The following KLHDC7A variants were observed in gnomAD, a reference collection of about 807,000 sequenced individuals.
KLHDC7A encodes kelch domain containing 7A.
For synonymous variants in KLHDC7A, 464 were observed against 461.0 expected, an observed-to-expected ratio of 1.01 and a Z score of -0.08; for missense variants, 1,123 against 1,052.6, an observed-to-expected ratio of 1.07 and a Z score of -0.93.
rs995231105 is a variant in KLHDC7A, at chr1:18,481,100, C to T, written c.119C>T (p.Ser40Leu). Residue 40 changes from serine to leucine, a missense_variant, in exon 1 of 1, where the codon TCG becomes TTG. Transcript: ENST00000400664. The part of the protein sequence containing the change: ...LVTVAYRLYK[S>L]RPAPAQRWGG... ...ACTGTGGCCTACAGGCTGTACAAGT[C>T]GAGGCCTGCCCCAGCCCAGCGGTGG... is the stretch of plus-strand genomic sequence containing the variant. The T allele has an allele frequency of 1.2e-6, 2 of 1,613,830 alleles. No individual in the cohort carries two copies. Among genetic ancestry groups the T allele is most frequent in the Non-Finnish European group, 1.7e-6 (2 of 1,179,976 alleles).
At position 18,482,824 on chromosome 1, in the gene KLHDC7A, G is replaced by A; in HGVS notation, c.1843G>A (p.Ala615Thr). 1 of 1,609,280 alleles carries A rather than the reference G, an allele frequency of 6.2e-7. No individual in the cohort carries two copies. Among genetic ancestry groups the A allele is most frequent in the Non-Finnish European group, 8.5e-7 (1 of 1,178,448 alleles). The change falls in exon 1 of 1, where the codon GCC becomes ACC. Residue 615 changes from alanine to threonine, a missense_variant. By Grantham distance (58) the Ala-to-Thr change is moderately conservative. Transcript: ENST00000400664. Reference protein sequence around the residue: ...YDPRLDRWDFAPPLPSDTFAL... With the variant: ...YDPRLDRWDFTPPLPSDTFAL... ...CCCCCGCCTGGACCGCTGGGACTTT[G>A]CCCCGCCGCTCCCCAGTGACACGTT...
At position 18,482,189 on chromosome 1, in the gene KLHDC7A, G is replaced by A. The variant is rs543307586; in HGVS notation, c.1208G>A (p.Arg403Gln). 4 of 1,611,120 alleles carry A rather than the reference G, an allele frequency of 2.5e-6. No individual in the cohort carries two copies. The South Asian group carries it at 3.3e-5, about 13-fold the overall frequency. ...CTGCCTGGCTTAGGCAGAAGCAGCC[G>A]GGAGCCCCATGTGCAGCCGGTGGCC... ...GALPGLGRSS[R>Q]EPHVQPVAGT... The change falls in exon 1 of 1, where the codon CGG (arginine) becomes CAG (glutamine). Residue 403 changes from arginine to glutamine, a missense_variant. Coordinates refer to ENST00000400664, the MANE Select transcript of KLHDC7A (RefSeq NM_152375.3).
At position 18,482,131 on chromosome 1, in the gene KLHDC7A, C is replaced by A; in HGVS notation, c.1150C>A (p.Leu384Ile). ...GCAGCTGCAGCCAGATGGCTTCCGG[C>A]TCCCCGCTCCACCCTGCCCAGACCC... ...ELQLQPDGFRLPAPPCPDPGA... is the reference protein window; with the variant it reads ...ELQLQPDGFRIPAPPCPDPGA... The change falls in exon 1 of 1, where the codon CTC becomes ATC. Residue 384 changes from leucine to isoleucine, a missense_variant. Transcript: ENST00000400664. 1.9e-6 allele frequency: 3 copies of A among 1,611,458 alleles called. No homozygotes were observed. Among genetic ancestry groups the A allele is most frequent in the African/African-American group, 1.3e-5 (1 of 75,040 alleles).
rs770861587 is a variant in KLHDC7A, at chr1:18,482,325, G to A, written c.1344G>A (p.Glu448=). 9.4e-6 allele frequency: 15 copies of A among 1,602,066 alleles called. No individual in the cohort carries two copies. The highest frequency in any genetic ancestry group is 1.3e-5 in the African/African-American group (1 of 74,934). The change falls in exon 1 of 1, where the codon GAG becomes GAA. Residue 448 remains glutamate, a synonymous_variant. Coordinates refer to ENST00000400664, the MANE Select transcript of KLHDC7A (RefSeq NM_152375.3). The stretch of plus-strand genomic sequence containing the variant: ...CCTTGGCCAAGAGGCAGAACCTGGA[G>A]GCCCTGAAAGAGGCGGCCTACAAGG... The part of the protein sequence containing the change: ...VLTLAKRQNL[E]ALKEAAYKVM...
At position 18,481,897 on chromosome 1, in the gene KLHDC7A, C is replaced by T. The variant is rs1449830854; in HGVS notation, c.916C>T (p.Leu306=). Residue 306 remains leucine, a synonymous_variant, in exon 1 of 1, where the codon CTG becomes TTG. Coordinates refer to ENST00000400664, the MANE Select transcript of KLHDC7A (RefSeq NM_152375.3). ...CTCTCAGGCCATCTTCCAGGGCAGG[C>T]TGGCTCCCAGGACAGCAGCCCTGAC... ...STSQAIFQGR[L]APRTAALTEV... is the part of the protein sequence containing the mutation. 2 of 1,613,440 alleles carry T rather than the reference C, an allele frequency of 1.2e-6. No individual in the cohort carries two copies.
At position 18,482,175 on chromosome 1, in the gene KLHDC7A, A is replaced by G; in HGVS notation, c.1194A>G (p.Leu398=). ...PCPDPGALPG[L]GRSSREPHVQ... is the part of the protein sequence containing the mutation. Reference sequence around the variant, plus strand: ...CAGACCCGGGCGCCCTGCCTGGCTTAGGCAGAAGCAGCCGGGAGCCCCATG... The same window carrying G: ...CAGACCCGGGCGCCCTGCCTGGCTTGGGCAGAAGCAGCCGGGAGCCCCATG... The change falls in exon 1 of 1, where the codon TTA becomes TTG. Residue 398 remains leucine (L), a synonymous_variant. Coordinates refer to ENST00000400664, the MANE Select transcript of KLHDC7A (RefSeq NM_152375.3). 6.2e-7 allele frequency: 1 copy of G among 1,611,360 alleles called. No individual in the cohort carries two copies. Among genetic ancestry groups the G allele is most frequent in the Non-Finnish European group, 8.5e-7 (1 of 1,179,822 alleles).
rs918646517 is a variant in KLHDC7A at position 18,484,127 on chromosome 1, T to C, written c.*812T>C. ...CGGCCCTGCCCATGTTAACTGACCA[T>C]TGCACTCATTCTCAGATCTGTAGCC... On this transcript the variant is annotated 3_prime_UTR_variant, in exon 1 of 1. Coordinates refer to ENST00000400664, the MANE Select transcript of KLHDC7A (RefSeq NM_152375.3). 4.3e-6 allele frequency: 4 copies of C among 921,828 alleles called. No homozygotes were observed. The African/African-American group carries it at 6.9e-5, about 16-fold the overall frequency. 57.1% of individuals were successfully genotyped at this position (921,828 alleles called of 1,614,324 possible). A position where few individuals can be genotyped will look rare whatever the true frequency, so the allele number is the denominator to read the frequency against.
Position 18,482,085 on chromosome 1 carries a change from G to T in KLHDC7A, c.1104G>T (p.Gln368His), listed in dbSNP as rs377597397. The part of the protein sequence containing the change: ...RGFSRKESLL[Q>H]IAENPELQLQ... ...TCAGCCGGAAGGAGAGCCTTCTGCA[G>T]ATAGCGGAGAACCCAGAGCTGCAGC... The change falls in exon 1 of 1, where the codon CAG becomes CAT. Residue 368 changes from glutamine to histidine, a missense_variant. By Grantham distance (24) the Gln-to-His change is conservative (BLOSUM62 0). Transcript: ENST00000400664. 2.8e-4 allele frequency: 459 copies of T among 1,612,570 alleles called. No homozygotes were observed. Among genetic ancestry groups the T allele is most frequent in the Non-Finnish European group, 3.1e-4 (361 of 1,179,846 alleles).
Position 18,482,767 on chromosome 1 carries a change from G to T in KLHDC7A, c.1786G>T (p.Gly596Ter). 9.3e-6 allele frequency: 15 copies of T among 1,610,274 alleles called. No individual in the cohort carries two copies. Among genetic ancestry groups the T allele is most frequent in the Non-Finnish European group, 1.2e-5 (14 of 1,179,124 alleles). Residue 596 changes from glycine (G) to a stop codon, truncating the protein, a stop_gained, in exon 1 of 1, where the codon GGA becomes TGA. Coordinates refer to ENST00000400664, the MANE Select transcript of KLHDC7A (RefSeq NM_152375.3). LOFTEE classifies it low-confidence loss of function (END_TRUNC). Reference protein sequence around the residue: ...ALDGHLYAIGGECLNSVERYD... With the variant: ...ALDGHLYAIG ...GGACGGGCACCTGTATGCCATCGGCGGAGAGTGTCTGAACTCGGTGGAGCG... is the reference window on the plus strand; with the variant it reads ...GGACGGGCACCTGTATGCCATCGGCTGAGAGTGTCTGAACTCGGTGGAGCG...
chr1:18,481,786 C>A lies in KLHDC7A; in HGVS notation c.805C>A (p.Arg269=). 1 of 1,614,096 alleles carries A rather than the reference C, an allele frequency of 6.2e-7. No homozygotes were observed. The highest frequency in any genetic ancestry group is 8.5e-7 in the Non-Finnish European group (1 of 1,180,004). ...TACCTTCTCATCCATAGCCCGCGTC[C>A]GAATGGAGGAGCATTTCATACAGAA... ...SYTFSSIARV[R]MEEHFIQKAE... is the part of the protein sequence containing the mutation. Residue 269 remains arginine (R), a synonymous_variant, in exon 1 of 1, where the codon CGA becomes AGA. Transcript: ENST00000400664.
rs1440033144 is a variant in KLHDC7A, at chr1:18,481,549, G to T, written c.568G>T (p.Asp190Tyr). The T allele has an allele frequency of 6.2e-7, 1 of 1,613,408 alleles. No individual in the cohort carries two copies. The highest frequency in any genetic ancestry group is 1.1e-5 in the South Asian group (1 of 91,078). ...CAGGEPSPWQ[D>Y]SKPREHPGLG... The stretch of plus-strand genomic sequence containing the variant: ...CGGTGGTGAGCCTTCTCCATGGCAG[G>T]ACAGTAAACCCCGTGAGCATCCAGG... The change falls in exon 1 of 1, where the codon GAC (aspartate) becomes TAC (tyrosine). Residue 190 changes from aspartate (D) to tyrosine (Y), a missense_variant. Physicochemically the swap from Asp to Tyr is radical, Grantham distance 160 (BLOSUM62 -3). Coordinates refer to ENST00000400664, the MANE Select transcript of KLHDC7A (RefSeq NM_152375.3).
rs1191002231 is a variant in KLHDC7A at position 18,481,032 on chromosome 1, G to A, written c.51G>A (p.Leu17=). ...EAQDWHLDMQ[L]TGKVVLSAAA... The stretch of plus-strand genomic sequence containing the variant: ...AGGACTGGCATTTGGATATGCAGCT[G>A]ACCGGCAAGGTGGTGCTGTCAGCCG... Residue 17 remains leucine, a synonymous_variant, in exon 1 of 1, where the codon CTG becomes CTA. Coordinates refer to ENST00000400664, the MANE Select transcript of KLHDC7A (RefSeq NM_152375.3). 10 of 1,612,456 alleles carry A rather than the reference G, an allele frequency of 6.2e-6. No homozygotes were observed. Among genetic ancestry groups the A allele is most frequent in the Non-Finnish European group, 7.6e-6 (9 of 1,179,232 alleles).
chr1:18,482,101 G>C lies in KLHDC7A; in HGVS notation c.1120G>C (p.Glu374Gln). 2 of 1,612,178 alleles carry C rather than the reference G, an allele frequency of 1.2e-6. No homozygotes were observed. The highest frequency in any genetic ancestry group is 1.7e-6 in the Non-Finnish European group (2 of 1,179,450). The change falls in exon 1 of 1, where the codon GAG (glutamate) becomes CAG (glutamine). Residue 374 changes from glutamate (E) to glutamine (Q), a missense_variant. Glu to Gln is a conservative substitution (Grantham distance 29). Coordinates refer to ENST00000400664, the MANE Select transcript of KLHDC7A (RefSeq NM_152375.3). ...CCTTCTGCAGATAGCGGAGAACCCA[G>C]AGCTGCAGCTGCAGCCAGATGGCTT... ...ESLLQIAENPELQLQPDGFRL... is the reference protein window; with the variant it reads ...ESLLQIAENPQLQLQPDGFRL...
Position 18,481,879 on chromosome 1 carries a change from G to A in KLHDC7A, c.898G>A (p.Ala300Thr), listed in dbSNP as rs2086892949. ...YDYYVESTSQAIFQGRLAPRT... is the reference protein window; with the variant it reads ...YDYYVESTSQTIFQGRLAPRT... ...CTACTATGTGGAATCTACCTCTCAG[G>A]CCATCTTCCAGGGCAGGCTGGCTCC... Residue 300 changes from alanine to threonine, a missense_variant, in exon 1 of 1, where the codon GCC (alanine) becomes ACC (threonine). By Grantham distance (58) the Ala-to-Thr change is moderately conservative. Transcript: ENST00000400664. The A allele has an allele frequency of 6.2e-7, 1 of 1,613,660 alleles. No homozygotes were observed. Among genetic ancestry groups the A allele is most frequent in the South Asian group, 1.1e-5 (1 of 91,070 alleles).
rs1235374023 is a variant in KLHDC7A, at chr1:18,483,270, C to T, written c.2289C>T (p.Thr763=). The T allele has an allele frequency of 5.0e-6, 8 of 1,613,630 alleles. No homozygotes were observed. Among genetic ancestry groups the T allele is most frequent in the African/African-American group, 1.3e-5 (1 of 74,946 alleles). ...FPAPQGTLLP[T]VLTLPTPDLP... is the part of the protein sequence containing the mutation. ...CCCCGCAGGGCACCCTCCTGCCCAC[C>T]GTCCTGACCTTGCCCACCCCCGATT... The change falls in exon 1 of 1, where the codon ACC becomes ACT. Residue 763 remains threonine, a synonymous_variant. Transcript: ENST00000400664.
Position 18,481,558 on chromosome 1 carries a change from C to A in KLHDC7A, c.577C>A (p.Pro193Thr), listed in dbSNP as rs1235266549. The A allele has an allele frequency of 5.0e-6, 8 of 1,613,212 alleles. No homozygotes were observed. The highest frequency in any genetic ancestry group is 2.7e-5 in the African/African-American group (2 of 74,928). ...GEPSPWQDSK[P>T]REHPGLGQLE... ...GCCTTCTCCATGGCAGGACAGTAAA[C>A]CCCGTGAGCATCCAGGACTGGGGCA... The change falls in exon 1 of 1, where the codon CCC (proline) becomes ACC (threonine). Residue 193 changes from proline to threonine, a missense_variant. By Grantham distance (38) the Pro-to-Thr change is conservative. Transcript: ENST00000400664.
rs2086905670 is a variant in KLHDC7A, at chr1:18,482,758, G to A, written c.1777G>A (p.Ala593Thr). Residue 593 changes from alanine to threonine, a missense_variant, in exon 1 of 1, where the codon GCC becomes ACC. Physicochemically the swap from Ala to Thr is moderately conservative, Grantham distance 58. Coordinates refer to ENST00000400664, the MANE Select transcript of KLHDC7A (RefSeq NM_152375.3). ...GGTGGCCCTGGACGGGCACCTGTAT[G>A]CCATCGGCGGAGAGTGTCTGAACTC... ...RLVALDGHLY[A>T]IGGECLNSVE... The A allele has an allele frequency of 1.9e-6, 3 of 1,610,370 alleles. No individual in the cohort carries two copies. The African/African-American group carries it at 4.0e-5, about 21-fold the overall frequency.
chr1:18,485,232 G>C lies in KLHDC7A; in HGVS notation c.*1917G>C, dbSNP rs1275882024. 1 of 166,918 alleles carries C rather than the reference G, an allele frequency of 6.0e-6. No homozygotes were observed. Among genetic ancestry groups the C allele is most frequent in the Non-Finnish European group, 1.5e-5 (1 of 68,246 alleles). The allele number at this position is 166,918 out of a possible 1,614,324, so 10.3% of individuals were successfully genotyped here. On this transcript the variant is annotated 3_prime_UTR_variant, in exon 1 of 1. Transcript: ENST00000400664. ...TCCAACCTTCAACCCCTAGTGAGGGGCCAGGCAGAGGACAAGGCAACAACT... is the reference window on the plus strand; with the variant it reads ...TCCAACCTTCAACCCCTAGTGAGGGCCCAGGCAGAGGACAAGGCAACAACT...
chr1:18,483,001 G>A lies in KLHDC7A; in HGVS notation c.2020G>A (p.Ala674Thr). 1 of 1,613,234 alleles carries A rather than the reference G, an allele frequency of 6.2e-7. No individual in the cohort carries two copies. The highest frequency in any genetic ancestry group is 1.7e-5 in the Admixed American group (1 of 60,014). Residue 674 changes from alanine to threonine, a missense_variant, in exon 1 of 1, where the codon GCG (alanine) becomes ACG (threonine). Physicochemically the swap from Ala to Thr is moderately conservative, Grantham distance 58. Transcript: ENST00000400664. ...CAAGGACCGCACGGCCGAGATGGTG[G>A]CGGTCAACGGCTTTCTCTACCGCTT... ...GSKDRTAEMVAVNGFLYRFDL... is the reference protein window; with the variant it reads ...GSKDRTAEMVTVNGFLYRFDL...
Sources: gnomAD v4.1 joint callset for allele counts on GRCh38, gnomAD v4.1.1 for gene constraint, MANE v1.5 for transcripts, NCBI Gene and HGNC (gene_info 2026-07-23, HGNC 2026-07-21) for gene names.